The following ADI1 variants were observed in gnomAD, a reference collection of about 807,000 sequenced individuals.
ADI1 encodes the protein acireductone dioxygenase 1.
ADI1 carries 21 observed loss-of-function variants against 18.7 expected under a neutral mutation model. The observed-to-expected ratio is 1.13, with a 90% CI of 0.80 to 1.62. ADI1 has a LOEUF of 1.62. Ranked by LOEUF, ADI1 falls within the 40% of genes most tolerant of loss-of-function variation. ADI1 has a pLI of 0.00. For synonymous variants in ADI1, 90 were observed against 100.1 expected, an observed-to-expected ratio of 0.90 and a Z score of 0.60; for missense variants, 245 against 254.9, an observed-to-expected ratio of 0.96 and a Z score of 0.26.
intron 3 of ADI1, among the ~76,000 whole-genome samples, chr2:3,499,711 A>C (rs1393626225): frequency 6.6e-6 from 1 of 152,186 alleles, no homozygotes; most frequent in Admixed American, 6.5e-5. Context: ...ACAGTACAGC[A>C]TGTCCAGCGC....
intron 1 of ADI1, 53 bp from the exon 2 acceptor site, chr2:3,514,029 G>A: frequency 6.5e-7 from 1 of 1,544,148 alleles, no homozygotes; most frequent in Non-Finnish European, 8.7e-7. Context: ...AGGAGATGTA[G>A]AAACATTCTC....
intron 3 of ADI1, 105 bp downstream of exon 3, chr2:3,500,709 C>A (rs913990457): frequency 2.0e-6 from 3 of 1,476,286 alleles, no homozygotes; most frequent in East Asian, 2.4e-5. Context: ...CCGAGCCCAG[C>A]GACCGCGCTT....
At chr2:3,503,321 A>G (rs928792310) in intron 2 of ADI1, among the ~76,000 whole-genome samples, 3 of 149,684 alleles carry the variant, frequency 2.0e-5, no homozygotes, top group Non-Finnish European at 4.4e-5. Context: ...ACGCACATTC[A>G]CACACATGCA....
chr2:3,500,371 C>T (rs758694152), intron 3 of ADI1, among the ~76,000 whole-genome samples: 4 of 77,386 alleles, frequency 5.2e-5, no homozygotes, highest in Middle Eastern at 5.8e-3. Flanking sequence ...CGTTACTGTT[C>T]AATTCCAAAA....
intron 2 of ADI1, among the ~76,000 whole-genome samples, chr2:3,512,496 G>A (rs1048330276): frequency 6.6e-6 from 1 of 152,216 alleles, no homozygotes; most frequent in Non-Finnish European, 1.5e-5. Flanking sequence ...TTCTGCTAGG[G>A]TTCTGGCCTC....
intron 2 of ADI1, among the ~76,000 whole-genome samples, chr2:3,504,707 G>C (rs753891552): frequency 2.0e-5 from 3 of 152,118 alleles, no homozygotes; most frequent in Non-Finnish European, 4.4e-5. Flanking sequence ...GTGTATGTCT[G>C]TATTGTCTGT....
chr2:3,503,209 A>ACACT (rs1667067002), intron 2 of ADI1, among the ~76,000 whole-genome samples: 2 of 122,508 alleles, frequency 1.6e-5, no homozygotes, highest in African/African-American at 7.1e-5. Context: ...ATGCATTCAC[A>ACACT]CACATGCACA....
At chr2:3,507,662 C>T (rs1487194531) in intron 2 of ADI1, among the ~76,000 whole-genome samples, 1 of 152,164 alleles carries the variant, frequency 6.6e-6, no homozygotes, top group Non-Finnish European at 1.5e-5. Flanking sequence ...TACAGAAGTT[C>T]TTCAAATGAA....
chr2:3,501,042 A>C, intron 2 of ADI1, 49 bp from the exon 3 acceptor site: 1 of 1,503,666 alleles, frequency 6.7e-7, no homozygotes, highest in Non-Finnish European at 8.9e-7. Context: ...CCTGTCACGC[A>C]AGCTCACACC....
chr2:3,500,653 C>A, intron 3 of ADI1, 161 bp downstream of exon 3: 1 of 941,422 alleles, frequency 1.1e-6, no homozygotes, highest in South Asian at 1.5e-5. Flanking sequence ...CCTCGGACAT[C>A]GCCTGCGGCT....
chr2:3,497,767 G>C lies in ADI1; in HGVS notation c.*1196C>G, dbSNP rs989678898. The C allele has an allele frequency of 6.6e-6, 1 of 152,202 alleles. No individual in the cohort carries two copies. The highest frequency in any genetic ancestry group is 2.4e-5 in the African/African-American group (1 of 41,440). 9.4% of individuals were successfully genotyped at this position (152,202 alleles called of 1,614,324 possible). On this transcript the variant is annotated 3_prime_UTR_variant, in exon 4 of 4. Transcript: ENST00000327435. ...CCGCAGGAGGCCAGCCCCGCACGAG[G>C]AGTTTCAAACACTAAGGATCCTGAC... is the stretch of plus-strand genomic sequence containing the variant.
intron 2 of ADI1, among the ~76,000 whole-genome samples, chr2:3,503,506 C>G (rs918866918): frequency 6.6e-6 from 1 of 150,508 alleles, no homozygotes. Flanking sequence ...CACACACACG[C>G]CTACATTCAC....
intron 1 of ADI1, chr2:3,516,922 T>G (rs529904844): frequency 1.0e-6 from 1 of 985,358 alleles, no homozygotes; most frequent in African/African-American, 1.7e-5. Flanking sequence ...TTTTGTTTTT[T>G]GGGTTTTTTT....
Position 3,519,293 on chromosome 2 carries a change from GGAGGAGGCTGGGCT to G in ADI1, c.120+61_120+74del, listed in dbSNP as rs1667504504. 3.8e-6 allele frequency: 5 copies of G among 1,317,814 alleles called. No homozygotes were observed. In the East Asian group the frequency reaches 1.6e-4, roughly 41 times the overall value. 81.6% of individuals were successfully genotyped at this position (1,317,814 alleles called of 1,614,324 possible). A position where few individuals can be genotyped will look rare whatever the true frequency, so the allele number is the denominator to read the frequency against. On this transcript the variant is annotated intron_variant, in intron 1 of 3. Transcript: ENST00000327435. The stretch of plus-strand genomic sequence containing the variant: ...GCTCCCAGGCCGCTGCCCGGCACCT[GGAGGAGGCTGGGCT>G]GTGCGCGGCGTTTGGGGGTCGGCGT...
intron 1 of ADI1, chr2:3,516,838 ATG>A (rs1667419954): frequency 1.0e-6 from 1 of 985,206 alleles, no homozygotes; most frequent in South Asian, 4.7e-5. Flanking sequence ...ACATGTCCAC[ATG>A]TGTTACCTCT....
chr2:3,500,757 G>A (rs1666980787), intron 3 of ADI1, 57 bp downstream of exon 3: 1 of 1,609,704 alleles, frequency 6.2e-7, no homozygotes, highest in South Asian at 1.1e-5. Context: ...CGGCAGAGAT[G>A]CCACGGCCAG....
rs192309174 is a variant in ADI1, at chr2:3,515,775, T to C, written c.121-1799A>G. 1.2e-3 allele frequency: 514 copies of C among 418,978 alleles called. 2 individuals carry two copies. Among genetic ancestry groups the C allele is most frequent in the African/African-American group, 0.011 (489 of 45,862 alleles). 26.0% of individuals were successfully genotyped at this position (418,978 alleles called of 1,614,324 possible). On this transcript the variant is annotated intron_variant, in intron 1 of 3. Coordinates refer to ENST00000327435, the MANE Select transcript of ADI1 (RefSeq NM_018269.4). Reference sequence around the variant, plus strand: ...GCATCACGGTCCTACCGATATGTGATGTCACCCCTGGCGGCCCAGCTGTAA... The same window carrying C: ...GCATCACGGTCCTACCGATATGTGACGTCACCCCTGGCGGCCCAGCTGTAA...
intron 2 of ADI1, among the ~76,000 whole-genome samples, chr2:3,505,438 T>C (rs561819093): frequency 6.6e-6 from 1 of 152,186 alleles, no homozygotes; most frequent in Non-Finnish European, 1.5e-5. Flanking sequence ...GACCCAGTCA[T>C]CAGGGGCCTC....
intron 3 of ADI1, chr2:3,500,608 G>A (rs896641496): frequency 1.5e-6 from 1 of 672,242 alleles, no homozygotes; most frequent in Non-Finnish European, 2.6e-6. Context: ...TCGCAGGCAG[G>A]GGCCACGGAG....
Sources: allele counts gnomAD v4.1 joint callset (sites outside exome capture counted in the v4.1 genomes callset), GRCh38; gene constraint gnomAD v4.1.1; transcripts MANE v1.5; gene names NCBI Gene and HGNC (gene_info 2026-07-23, HGNC 2026-07-21).